ASIC2: variants seen among roughly 807,000 people sequenced by gnomAD.
The protein encoded by ASIC2 is acid-sensing ion channel 2.
In ASIC2, 25 loss-of-function variants were observed where a neutral mutation model predicts 57.3. The observed-to-expected ratio is 0.44, with a 90% CI of 0.32 to 0.61. The LOEUF (loss-of-function observed/expected upper bound fraction) is 0.61, where lower values mean the gene tolerates loss of function less well. Among genes scored for constraint, ASIC2 ranks in the 20% least tolerant of loss-of-function variants. ASIC2 has a pLI of 0.06. For missense variants in ASIC2, 641 were observed against 738.1 expected (o/e 0.87, Z 1.52); for synonymous variants, 319 against 307.5 (o/e 1.04, Z -0.39).
intron 1 of ASIC2, among the ~76,000 whole-genome samples, chr17:33,163,140 G>T (rs1057467445): frequency 1.3e-5 from 2 of 152,166 alleles, no homozygotes; most frequent in African/African-American, 4.8e-5. Context: ...TAGACTTGGT[G>T]GGGGAAAGCC....
chr17:33,212,559 A>T (rs1450569656), intron 1 of ASIC2, among the ~76,000 whole-genome samples: 54 of 152,184 alleles, frequency 3.5e-4, no homozygotes, highest in Admixed American at 3.5e-3. Context: ...AAGCCACTAA[A>T]CTCGTGACAG....
At chr17:33,410,123 T>C (rs1477449320) in intron 1 of ASIC2, among the ~76,000 whole-genome samples, 1 of 152,164 alleles carries the variant, frequency 6.6e-6, no homozygotes, top group Non-Finnish European at 1.5e-5. Context: ...TGTAGCCACC[T>C]GAGACAGGTA....
rs114037448 is a variant in ASIC2 at position 33,288,310 on chromosome 17, G to C, written c.708+3098C>G. ...AGAGCTGCCTGTTGAGCAGGCAGGT[G>C]TCCCCCAGGCAGACAAAGCAGCATG... is the stretch of plus-strand genomic sequence containing the variant. On this transcript the variant is annotated intron_variant, in intron 1 of 9. Coordinates refer to ENST00000225823, the MANE Select transcript of ASIC2 (RefSeq NM_183377.2). 8.1e-4 allele frequency among the ~76,000 whole-genome samples: 123 copies of C among 152,248 alleles called. 1 individual carries two copies. The highest frequency in any genetic ancestry group is 2.8e-3 in the African/African-American group (116 of 41,550).
At chr17:33,937,919 C>A (rs1916103814) in intron 1 of ASIC2, among the ~76,000 whole-genome samples, 1 of 152,158 alleles carries the variant, frequency 6.6e-6, no homozygotes, top group Non-Finnish European at 1.5e-5. Context: ...CCTTTGTGGG[C>A]AACATTGCCA....
intron 1 of ASIC2, among the ~76,000 whole-genome samples, chr17:34,041,640 A>C (rs1908137300): frequency 6.6e-6 from 1 of 152,262 alleles, no homozygotes; most frequent in African/African-American, 2.4e-5. Context: ...AGAAATACAT[A>C]GCACACACTA....
intron 1 of ASIC2, among the ~76,000 whole-genome samples, chr17:33,891,010 G>A (rs2141947100): frequency 6.6e-6 from 1 of 152,228 alleles, no homozygotes; most frequent in East Asian, 1.9e-4. Flanking sequence ...TCTGAGACAG[G>A]AATCCTTGAG....
intron 1 of ASIC2, among the ~76,000 whole-genome samples, chr17:33,681,990 G>A (rs907459703): frequency 6.6e-6 from 1 of 151,386 alleles, no homozygotes; most frequent in African/African-American, 2.4e-5. Context: ...GCTTGTACAA[G>A]GTGACCTTTG....
intron 1 of ASIC2, among the ~76,000 whole-genome samples, chr17:33,465,428 A>C (rs1912832181): frequency 7.2e-6 from 1 of 138,004 alleles, no homozygotes; most frequent in African/African-American, 2.8e-5. Context: ...GCTGGAGTAC[A>C]GTGGCATGAT....
chr17:33,427,027 C>A (rs1911242748), intron 1 of ASIC2, among the ~76,000 whole-genome samples: 1 of 152,156 alleles, frequency 6.6e-6, no homozygotes, highest in Non-Finnish European at 1.5e-5. Context: ...ACTTGAGGAG[C>A]TGCAGTTAAG....
At chr17:33,163,982 C>A (rs115557429) in intron 1 of ASIC2, among the ~76,000 whole-genome samples, 2 of 152,278 alleles carry the variant, frequency 1.3e-5, no homozygotes, top group African/African-American at 4.8e-5. Flanking sequence ...ACAACTACTG[C>A]GGATGACCTC....
At chr17:33,579,286 C>CA (rs71362894) in intron 1 of ASIC2, among the ~76,000 whole-genome samples, 4,704 of 103,602 alleles carry the variant, frequency 0.045, 192 homozygotes, top group Middle Eastern at 0.11. Context: ...AACTGTGTCT[C>CA]AAAAAAAAAA....
intron 1 of ASIC2, among the ~76,000 whole-genome samples, chr17:33,673,855 T>A (rs1907720077): frequency 6.6e-6 from 1 of 151,856 alleles, no homozygotes; most frequent in Admixed American, 6.6e-5. Context: ...TCCTTTGAGC[T>A]GGGGATTCTG....
At chr17:33,356,776 G>T (rs1458045310) in intron 1 of ASIC2, among the ~76,000 whole-genome samples, 3 of 152,128 alleles carry the variant, frequency 2.0e-5, no homozygotes, top group African/African-American at 7.2e-5. Context: ...TTTGGAAAAT[G>T]AGCTATTATT....
At chr17:33,320,441 C>T (rs1253738323) in intron 1 of ASIC2, among the ~76,000 whole-genome samples, 1 of 152,098 alleles carries the variant, frequency 6.6e-6, no homozygotes, top group Non-Finnish European at 1.5e-5. Context: ...CTCAGCCCAC[C>T]CTCTGGTTCT....
At chr17:33,180,949 G>T (rs1905957178) in intron 1 of ASIC2, among the ~76,000 whole-genome samples, 1 of 152,290 alleles carries the variant, frequency 6.6e-6, no homozygotes, top group South Asian at 2.1e-4. Flanking sequence ...GCTGTGCTCT[G>T]CTTCACATTT....
intron 1 of ASIC2, among the ~76,000 whole-genome samples, chr17:33,634,063 C>G (rs1174369984): frequency 6.6e-6 from 1 of 152,212 alleles, no homozygotes; most frequent in Admixed American, 6.5e-5. Flanking sequence ...AGCTTGAACT[C>G]CCAAACACCT....
intron 1 of ASIC2, among the ~76,000 whole-genome samples, chr17:33,877,928 A>G (rs434569): frequency 0.89 from 135,839 of 152,204 alleles, 60,847 homozygotes; most frequent in African/African-American, 0.97. Flanking sequence ...GGAACGATCA[A>G]GCAGCAACAT....
At chr17:33,469,370 G>A (rs1172590063) in intron 1 of ASIC2, among the ~76,000 whole-genome samples, 2 of 152,116 alleles carry the variant, frequency 1.3e-5, no homozygotes, top group African/African-American at 4.8e-5. Flanking sequence ...GTCCTGACCT[G>A]GCCTGTGCAG....
At position 33,426,514 on chromosome 17, in the gene ASIC2, G is replaced by A. The variant is rs551237142; in HGVS notation, c.556-314447C>T. 1.2e-4 allele frequency among the ~76,000 whole-genome samples: 18 copies of A among 152,332 alleles called. No individual in the cohort carries two copies. In the South Asian group the frequency reaches 3.5e-3, roughly 30 times the overall value. On this transcript the variant is annotated intron_variant, in intron 1 of 9. Transcript: ENST00000359872. ...AGCCAGCTTTAGAGCAGGTGTTATAGACACTTCTCCACATGAGGGATTCCA... is the reference window on the plus strand; with the variant it reads ...AGCCAGCTTTAGAGCAGGTGTTATAAACACTTCTCCACATGAGGGATTCCA...
Sources: allele counts gnomAD v4.1 joint callset (sites outside exome capture counted in the v4.1 genomes callset), GRCh38; gene constraint gnomAD v4.1.1; transcripts MANE v1.5; gene names NCBI Gene and HGNC (gene_info 2026-07-23, HGNC 2026-07-21).